Variants in NBDY observed in about 807,000 individuals in gnomAD.
NBDY encodes the protein negative regulator of P-body association.
At chrX:56,740,859 T>C (rs1271824595) in intron 2 of NBDY, among the ~76,000 whole-genome samples, 1 of 111,050 alleles carries the variant, frequency 9.0e-6, no homozygotes, top group East Asian at 2.8e-4. Flanking sequence ...ATTTATCCTT[T>C]GTGTTACAGA....
intron 2 of NBDY, among the ~76,000 whole-genome samples, chrX:56,735,904 G>T (rs2069486914): frequency 9.9e-6 from 1 of 100,524 alleles, no homozygotes; most frequent in Non-Finnish European, 2.0e-5. Context: ...AAAGAAAATT[G>T]ACATGATTTC....
chrX:56,756,261 T>C (rs2069610433), intron 2 of NBDY, among the ~76,000 whole-genome samples: 1 of 108,897 alleles, frequency 9.2e-6, no homozygotes, highest in Non-Finnish European at 1.9e-5. Context: ...CTGCGCATTG[T>C]GCACATATAC....
intron 2 of NBDY, among the ~76,000 whole-genome samples, chrX:56,801,351 C>T (rs750310151): frequency 9.2e-6 from 1 of 109,064 alleles, no homozygotes; most frequent in Admixed American, 9.8e-5. Flanking sequence ...TTTTCTTCTA[C>T]TCCTTCTCCT....
intron 2 of NBDY, chrX:56,737,504 G>A (rs2009742): frequency 0.029 from 26,864 of 926,427 alleles, 1,787 homozygotes; most frequent in African/African-American, 0.28. Flanking sequence ...ATTGAATCCT[G>A]CAGTATTGTA....
chrX:56,785,414 T>C (rs2069721854), intron 2 of NBDY, among the ~76,000 whole-genome samples: 1 of 111,145 alleles, frequency 9.0e-6, no homozygotes, highest in African/African-American at 3.3e-5. Context: ...TGTGCTTCCA[T>C]AGTTCCTCAG....
rs1281065154 is a variant in NBDY, at chrX:56,729,528, C to T, written c.175C>T (p.Leu59=). The part of the protein sequence containing the change: ...PSAPPPASAG[L]KSHPPPPEK ...CGCACCTCCTCCTGCATCAGCCGGC[C>T]TGAAGTCGCACCCTCCTCCTCCGGA... Residue 59 remains leucine (L), a synonymous_variant, in exon 1 of 3, where the codon CTG becomes TTG. Coordinates refer to ENST00000374922, the MANE Select transcript of NBDY (RefSeq NM_001348129.2). 3 of 296,449 alleles carry T rather than the reference C, an allele frequency of 1.0e-5. No homozygotes were observed. The highest frequency in any genetic ancestry group is 2.7e-5 in the African/African-American group (1 of 36,399). The allele number at this position is 296,449 out of a possible 1,213,427, so 24.4% of individuals were successfully genotyped here. A position where few individuals can be genotyped will look rare whatever the true frequency, so the allele number is the denominator to read the frequency against.
chrX:56,807,400 C>T (rs950115986), intron 2 of NBDY, among the ~76,000 whole-genome samples: 15 of 111,371 alleles, frequency 1.3e-4, no homozygotes, highest in Non-Finnish European at 2.8e-4. Context: ...ATAAATTACC[C>T]TGGGCAGTAT....
At chrX:56,806,665 G>GT (rs1336690435) in intron 2 of NBDY, among the ~76,000 whole-genome samples, 2 of 111,795 alleles carry the variant, frequency 1.8e-5, no homozygotes, top group Admixed American at 1.9e-4. Flanking sequence ...TGATGGGGTT[G>GT]TTTTTTTCTT....
At chrX:56,786,355 C>G (rs1042645489) in intron 2 of NBDY, among the ~76,000 whole-genome samples, 1 of 111,646 alleles carries the variant, frequency 9.0e-6, no homozygotes, top group African/African-American at 3.3e-5. Context: ...GACTATGGCT[C>G]TTTGTCCTTT....
chrX:56,746,041 T>C (rs2069556131), intron 2 of NBDY, among the ~76,000 whole-genome samples: 1 of 111,700 alleles, frequency 9.0e-6, no homozygotes, highest in Non-Finnish European at 1.9e-5. Context: ...CCATATTCCA[T>C]GTCTAGGTTA....
chrX:56,729,536 G>A lies in NBDY; in HGVS notation c.183G>A (p.Ser61=). The A allele has an allele frequency of 3.4e-6, 1 of 297,854 alleles. No individual in the cohort carries two copies. Among genetic ancestry groups the A allele is most frequent in the Non-Finnish European group, 5.9e-6 (1 of 170,284 alleles). 24.5% of individuals were successfully genotyped at this position (297,854 alleles called of 1,213,427 possible). ...APPPASAGLK[S]HPPPPEK is the part of the protein sequence containing the mutation. ...CTCCTGCATCAGCCGGCCTGAAGTCGCACCCTCCTCCTCCGGAGAAGTAGA... is the reference window on the plus strand; with the variant it reads ...CTCCTGCATCAGCCGGCCTGAAGTCACACCCTCCTCCTCCGGAGAAGTAGA... The change falls in exon 1 of 3, where the codon TCG becomes TCA. Residue 61 remains serine, a synonymous_variant. Coordinates refer to ENST00000374922, the MANE Select transcript of NBDY (RefSeq NM_001348129.2).
chrX:56,812,738 T>A (rs1422874003), intron 2 of NBDY, among the ~76,000 whole-genome samples: 1 of 111,601 alleles, frequency 9.0e-6, no homozygotes, highest in Non-Finnish European at 1.9e-5. Context: ...CTGAACTAGA[T>A]CTTTCAGGAC....
rs920531743 is a variant in NBDY at position 56,818,173 on chromosome X, A to G, written c.*1020A>G. On this transcript the variant is annotated 3_prime_UTR_variant, in exon 3 of 3. Coordinates refer to ENST00000374922, the MANE Select transcript of NBDY (RefSeq NM_001348129.2). ...AATTGTAATAATAAAAGATAAACAGACTTGAAAGCATATATTATATCTGAA... is the reference window on the plus strand; with the variant it reads ...AATTGTAATAATAAAAGATAAACAGGCTTGAAAGCATATATTATATCTGAA... The G allele has an allele frequency of 8.9e-6, 1 of 111,781 alleles. No individual in the cohort carries two copies. Among genetic ancestry groups the G allele is most frequent in the Non-Finnish European group, 1.9e-5 (1 of 53,068 alleles). 9.2% of individuals were successfully genotyped at this position (111,781 alleles called of 1,213,427 possible).
At chrX:56,763,145 A>AGATAGGATCCAGCAGCTGGTGTAAAACTG (rs1395306215) in intron 2 of NBDY, among the ~76,000 whole-genome samples, 1 of 112,824 alleles carries the variant, frequency 8.9e-6, no homozygotes, top group Non-Finnish European at 1.9e-5. Context: ...GTCTGTTAAC[A>AGATAGGATCCAGCAGCTGGTGTAAAACTG]GATAGGATCC....
intron 2 of NBDY, among the ~76,000 whole-genome samples, chrX:56,785,651 C>A (rs764255926): frequency 1.8e-5 from 2 of 111,529 alleles, no homozygotes; most frequent in African/African-American, 3.3e-5. Flanking sequence ...GCCTCCTGAA[C>A]CAACAGGCCT....
At chrX:56,811,451 T>C (rs1046784112) in intron 2 of NBDY, among the ~76,000 whole-genome samples, 1 of 112,294 alleles carries the variant, frequency 8.9e-6, no homozygotes, top group Non-Finnish European at 1.9e-5. Flanking sequence ...AGATGCCCTG[T>C]GCAGAGAGGA....
intron 2 of NBDY, among the ~76,000 whole-genome samples, chrX:56,783,412 ATTAAACGGCCCCATTTTC>A (rs745889594): frequency 1.8e-5 from 2 of 112,978 alleles, no homozygotes; most frequent in South Asian, 7.3e-4. Flanking sequence ...AAGAGACCAG[ATTAAACGGCCCCATTTTC>A]TGGCTGTCAG....
chrX:56,760,153 G>A (rs893888365), intron 2 of NBDY, among the ~76,000 whole-genome samples: 1 of 112,925 alleles, frequency 8.9e-6, no homozygotes, highest in Non-Finnish European at 1.9e-5. Context: ...TTCCTTCAAG[G>A]GCTTTGAACC....
At chrX:56,762,692 C>G (rs541012963) in intron 2 of NBDY, among the ~76,000 whole-genome samples, 1 of 111,115 alleles carries the variant, frequency 9.0e-6, no homozygotes, top group African/African-American at 3.3e-5. Context: ...CCTCTCCTTC[C>G]AGTCAAGCCA....
Sources: allele counts gnomAD v4.1 joint callset (sites outside exome capture counted in the v4.1 genomes callset), GRCh38; gene constraint gnomAD v4.1.1; transcripts MANE v1.5; gene names NCBI Gene and HGNC (gene_info 2026-07-23, HGNC 2026-07-21).